Variants in GUCY2D observed in about 807,000 individuals in gnomAD.
The protein encoded by GUCY2D is retinal guanylyl cyclase 1.
A neutral mutation model predicts 101.3 loss-of-function variants in GUCY2D; 70 were observed. The ratio of observed to expected loss-of-function variants is 0.69; its 90% CI spans 0.57 to 0.84. The LOEUF (loss-of-function observed/expected upper bound fraction) is 0.84. Ranked by LOEUF, GUCY2D falls within the 40% of genes least tolerant of loss-of-function variation. The probability of loss-of-function intolerance (pLI) is 0.00; values close to 1 mark genes in which losing one functional copy is unlikely to be tolerated. For synonymous variants in GUCY2D, 688 were observed against 670.7 expected, an observed-to-expected ratio of 1.03 and a Z score of -0.40; for missense variants, 1,460 against 1,542.5, an observed-to-expected ratio of 0.95 and a Z score of 0.90.
chr17:8,012,995 G>A, intron 10 of GUCY2D, 108 bp from the exon 11 acceptor site: 1 of 1,001,720 alleles, frequency 1.0e-6, no homozygotes, highest in Non-Finnish European at 1.5e-6. Flanking sequence ...CAGGGTCTCA[G>A]ACCGGTCTCA....
At chr17:8,010,920 A>G (rs1182810948) in intron 8 of GUCY2D, among the ~76,000 whole-genome samples, 1 of 151,998 alleles carries the variant, frequency 6.6e-6, no homozygotes, top group Non-Finnish European at 1.5e-5. Context: ...TTTTTCTAGC[A>G]TGCCCCGATT....
Position 8,003,428 on chromosome 17 carries a change from G to A in GUCY2D, c.381G>A (p.Pro127=), listed in dbSNP as rs1400180995. 1.7e-5 allele frequency: 25 copies of A among 1,512,828 alleles called. 1 individual carries two copies. Among genetic ancestry groups the A allele is most frequent in the South Asian group, 2.4e-5 (2 of 82,344 alleles). The allele number at this position is 1,512,828 out of a possible 1,614,324, so 93.7% of individuals were successfully genotyped here. ...CCCGCGTGTCGGGCCTCGTGGGTCC[G>A]GTGAACCCTGCGGCCTGCCGGCCAG... ...ALARVSGLVG[P]VNPAACRPAE... The change falls in exon 2 of 20, where the codon CCG becomes CCA. Residue 127 remains proline, a synonymous_variant. Coordinates refer to ENST00000254854, the MANE Select transcript of GUCY2D (RefSeq NM_000180.4).
intron 3 of GUCY2D, among the ~76,000 whole-genome samples, chr17:8,004,718 C>G (rs555835721): frequency 1.6e-4 from 24 of 152,258 alleles, no homozygotes; most frequent in African/African-American, 5.8e-4. Flanking sequence ...CAGTTCAGAT[C>G]ATCTAACTTT....
At chr17:8,016,785 T>G in intron 19 of GUCY2D, 1 of 542,018 alleles carries the variant, frequency 1.8e-6, no homozygotes, top group Non-Finnish European at 3.3e-6. Context: ...GGGCCTTCTG[T>G]GGCCCCTCCC....
chr17:8,013,846 G>A lies in GUCY2D; in HGVS notation c.2264-34G>A. 4 of 1,604,464 alleles carry A rather than the reference G, an allele frequency of 2.5e-6. No individual in the cohort carries two copies. Among genetic ancestry groups the A allele is most frequent in the South Asian group, 1.1e-5 (1 of 90,894 alleles). Reference sequence around the variant, plus strand: ...TCAGAGGCAGCCTTTGTGTTCTGGGGGCACTCCCCCTCACTGTCCCCTCAT... The same window carrying A: ...TCAGAGGCAGCCTTTGTGTTCTGGGAGCACTCCCCCTCACTGTCCCCTCAT... On this transcript the variant is annotated intron_variant, in intron 11 of 19. Coordinates refer to ENST00000254854, the MANE Select transcript of GUCY2D (RefSeq NM_000180.4). This position sits in a 1 kb window ranked among gnomAD's most constrained non-coding sequence, Gnocchi z 5.0.
intron 19 of GUCY2D, among the ~76,000 whole-genome samples, chr17:8,019,579 A>T (rs1204898050): frequency 6.6e-6 from 1 of 151,862 alleles, no homozygotes; most frequent in Admixed American, 6.6e-5. Context: ...GAGTTCACAG[A>T]TCTAGTGGGA....
chr17:8,003,342 G>A lies in GUCY2D; in HGVS notation c.295G>A (p.Ala99Thr), dbSNP rs1304984076. 12 of 1,480,708 alleles carry A rather than the reference G, an allele frequency of 8.1e-6. No individual in the cohort carries two copies. Among genetic ancestry groups the A allele is most frequent in the African/African-American group, 1.5e-5 (1 of 68,042 alleles). 91.7% of individuals were successfully genotyped at this position (1,480,708 alleles called of 1,614,324 possible). Residue 99 changes from alanine to threonine, a missense_variant, in exon 2 of 20, where the codon GCG becomes ACG. Coordinates refer to ENST00000254854, the MANE Select transcript of GUCY2D (RefSeq NM_000180.4). ...GLAGGPRFEV[A>T]LLPEPCRTPG... ...GGCAGGCGGTCCCCGCTTCGAGGTA[G>A]CGCTGCTGCCCGAGCCTTGCCGGAC...
chr17:8,007,590 G>A, intron 6 of GUCY2D, 62 bp downstream of exon 6: 3 of 1,050,252 alleles, frequency 2.9e-6, no homozygotes, highest in Non-Finnish European at 4.5e-6. Context: ...TTCCTTCCCT[G>A]GGCCAGTCCC....
At chr17:8,007,227 T>A in intron 5 of GUCY2D, 83 bp downstream of exon 5, 13 of 1,123,658 alleles carry the variant, frequency 1.2e-5, no homozygotes, top group Non-Finnish European at 1.8e-5. Flanking sequence ...CTGGGTTCAC[T>A]CAGGAGTAGA....
At chr17:8,004,228 T>C in intron 3 of GUCY2D, 72 bp downstream of exon 3, 1 of 1,352,762 alleles carries the variant, frequency 7.4e-7, no homozygotes, top group Non-Finnish European at 1.0e-6. Flanking sequence ...GAGAGGAGGA[T>C]GCAGCCAATG....
Position 8,013,714 on chromosome 17 carries a change from T to C in GUCY2D, c.2264-166T>C. 1 of 657,700 alleles carries C rather than the reference T, an allele frequency of 1.5e-6. No individual in the cohort carries two copies. The highest frequency in any genetic ancestry group is 2.7e-6 in the Non-Finnish European group (1 of 368,972). The allele number at this position is 657,700 out of a possible 1,614,324, so 40.7% of individuals were successfully genotyped here. ...CCTCTTGTTCCTCCTAGCAACCCCC[T>C]TCCACACTATACTCTCCCTCCACAC... On this transcript the variant is annotated intron_variant, in intron 11 of 19. Transcript: ENST00000254854. The surrounding 1 kb of genome is among the most constrained non-coding windows in gnomAD (Gnocchi z 5.0).
chr17:8,008,765 GC>G (rs1156749936), intron 7 of GUCY2D, among the ~76,000 whole-genome samples: 1 of 152,154 alleles, frequency 6.6e-6, no homozygotes, highest in Non-Finnish European at 1.5e-5. Flanking sequence ...CTTGTCTCTG[GC>G]CCTGTCCACT....
rs556242786 is a variant in GUCY2D at position 8,004,171 on chromosome 17, G to A, written c.1026+15G>A. The A allele has an allele frequency of 1.4e-5, 22 of 1,577,760 alleles. No homozygotes were observed. Among genetic ancestry groups the A allele is most frequent in the South Asian group, 2.3e-5 (2 of 88,458 alleles). On this transcript the variant is annotated intron_variant, in intron 3 of 19. Transcript: ENST00000254854. ...ATCTGCAGCAGGTAGACGGTCCCGG[G>A]AGGAGGGAAGAAGGCAAGGGAGAGG...
rs201090802 is a variant in GUCY2D at position 8,011,829 on chromosome 17, T to TA, written c.1750-306dup. Among the ~76,000 whole-genome samples the TA allele has an allele frequency of 2.5e-4, 37 of 150,842 alleles. No homozygotes were observed. Among genetic ancestry groups the TA allele is most frequent in the Non-Finnish European group, 3.4e-4 (23 of 67,594 alleles). ...GGGCAACAGAGTGAGACCTCGTGTC[T>TA]AAAAAAAAAGGCTTATGATCAATAA... On this transcript the variant is annotated intron_variant, in intron 8 of 19. Coordinates refer to ENST00000254854, the MANE Select transcript of GUCY2D (RefSeq NM_000180.4). The surrounding 1 kb of genome is among the most constrained non-coding windows in gnomAD (Gnocchi z 4.3).
Position 8,007,411 on chromosome 17 carries a change from C to A in GUCY2D, c.1464-15C>A, listed in dbSNP as rs761153188. The A allele has an allele frequency of 3.2e-6, 5 of 1,556,404 alleles. No homozygotes were observed. The South Asian group carries it at 4.5e-5, about 14-fold the overall frequency. ...ACTTGGTGCCCTTGGTGGAGGTGAC[C>A]TCTTTCTCCACCAGGCACCGGCTAC... On this transcript the variant is annotated splice_polypyrimidine_tract_variant and intron_variant, in intron 5 of 19. Coordinates refer to ENST00000254854, the MANE Select transcript of GUCY2D (RefSeq NM_000180.4).
Position 8,003,637 on chromosome 17 carries a change from C to T in GUCY2D, c.590C>T (p.Ala197Val). Residue 197 changes from alanine (A) to valine (V), a missense_variant, in exon 2 of 20, where the codon GCG becomes GTG. Physicochemically the swap from Ala to Val is moderately conservative, Grantham distance 64. Transcript: ENST00000254854. ...GCCCCCCAGGACCTGTGGGTGGAGGCGGGACGCTCACTGTCCACGGCACTC... is the reference window on the plus strand; with the variant it reads ...GCCCCCCAGGACCTGTGGGTGGAGGTGGGACGCTCACTGTCCACGGCACTC... ...VTAPQDLWVE[A>V]GRSLSTALRA... 6.3e-7 allele frequency: 1 copy of T among 1,593,148 alleles called. No homozygotes were observed. Among genetic ancestry groups the T allele is most frequent in the Non-Finnish European group, 8.5e-7 (1 of 1,176,702 alleles).
In GUCY2D at chr17:8,002,998, C is replaced by G. The variant is rs975454942; in HGVS notation, c.-9-41C>G. ...TTACGGGGAGAACCCTAGGGGAGGCCGGGGTCTCAGTCGCTCAGCCTGCTC... is the reference window on the plus strand; with the variant it reads ...TTACGGGGAGAACCCTAGGGGAGGCGGGGGTCTCAGTCGCTCAGCCTGCTC... On this transcript the variant is annotated intron_variant, in intron 1 of 19. Transcript: ENST00000254854. The surrounding 1 kb of genome is among the most constrained non-coding windows in gnomAD (Gnocchi z 4.9). The G allele has an allele frequency of 6.8e-7, 1 of 1,463,102 alleles. No homozygotes were observed. Among genetic ancestry groups the G allele is most frequent in the Non-Finnish European group, 9.2e-7 (1 of 1,089,520 alleles). The allele number at this position is 1,463,102 out of a possible 1,614,324, so 90.6% of individuals were successfully genotyped here. A position where few individuals can be genotyped will look rare whatever the true frequency, so the allele number is the denominator to read the frequency against.
chr17:8,009,035 CT>C (rs1386248051), intron 7 of GUCY2D, among the ~76,000 whole-genome samples: 1 of 152,228 alleles, frequency 6.6e-6, no homozygotes, highest in Non-Finnish European at 1.5e-5. Context: ...CCCTGTGTGA[CT>C]GCACAGGTCC....
Position 8,004,154 on chromosome 17 carries a change from CAGG to C in GUCY2D, c.1025_1026+1del. 1 of 1,588,604 alleles carries C rather than the reference CAGG, an allele frequency of 6.3e-7. No homozygotes were observed. Among genetic ancestry groups the C allele is most frequent in the South Asian group, 1.1e-5 (1 of 90,192 alleles). ...GCTGCCCTCTGACCTCAATCTGCAG[CAGG>C]TAGACGGTCCCGGGAGGAGGGAAGA... is the stretch of plus-strand genomic sequence containing the variant. On this transcript the variant is annotated splice_donor_variant and coding_sequence_variant, in exon 3 of 20. Coordinates refer to ENST00000254854, the MANE Select transcript of GUCY2D (RefSeq NM_000180.4). LOFTEE classifies it high-confidence loss of function.
Sources: gnomAD v4.1 joint callset for allele counts (sites outside exome capture counted in the v4.1 genomes callset) on GRCh38, gnomAD v4.1.1 for gene constraint, Gnocchi (gnomAD v3.1) non-coding constraint, MANE v1.5 for transcripts, NCBI Gene and HGNC (gene_info 2026-07-23, HGNC 2026-07-21) for gene names.